The following EEFSEC variants were observed in gnomAD, a reference collection of about 807,000 sequenced individuals.
The protein encoded by EEFSEC is eukaryotic elongation factor, selenocysteine-tRNA specific.
Under a neutral mutation model 42.1 loss-of-function variants are expected in EEFSEC, and 43 were observed. The ratio of observed to expected loss-of-function variants is 1.02; its 90% CI spans 0.80 to 1.32. The LOEUF (loss-of-function observed/expected upper bound fraction) is 1.32. EEFSEC is among the 40% of genes most tolerant of loss of function. The pLI is 0.00. For missense variants in EEFSEC, 745 were observed against 803.6 expected (o/e 0.93, Z 0.88); for synonymous variants, 354 against 339.1 (o/e 1.04, Z -0.48).
At chr3:128,199,918 G>A (rs2065625735) in intron 1 of EEFSEC, among the ~76,000 whole-genome samples, 1 of 152,090 alleles carries the variant, frequency 6.6e-6, no homozygotes. Flanking sequence ...ATTTTTAGTA[G>A]AGACAGCGTT....
chr3:128,409,943 T>G (rs1276111951), downstream of EEFSEC, among the ~76,000 whole-genome samples: 1 of 152,214 alleles, frequency 6.6e-6, no homozygotes, highest in South Asian at 2.1e-4. Context: ...GGCAGCAGCT[T>G]TGAGCCCACA....
At chr3:128,190,915 C>T (rs2999057) in intron 1 of EEFSEC, among the ~76,000 whole-genome samples, 22,021 of 151,852 alleles carry the variant, frequency 0.15, 1,712 homozygotes, top group Admixed American at 0.2. Context: ...CACTGTGCCT[C>T]GCCTGGGGGT....
chr3:128,342,801 C>T (rs900377113), intron 5 of EEFSEC, among the ~76,000 whole-genome samples: 4 of 152,228 alleles, frequency 2.6e-5, no homozygotes, highest in Admixed American at 6.5e-5. Context: ...ACGGTGGTCT[C>T]CCCCAAAGTA....
rs535991690 is a variant in EEFSEC at position 128,382,977 on chromosome 3, T to C, written c.1600+24604T>C. Among the ~76,000 whole-genome samples the C allele has an allele frequency of 2.6e-3, 402 of 152,364 alleles. 1 individual carries two copies. The highest frequency in any genetic ancestry group is 5.0e-3 in the Non-Finnish European group (340 of 68,028). On this transcript the variant is annotated intron_variant, in intron 6 of 6. Coordinates refer to ENST00000254730, the MANE Select transcript of EEFSEC (RefSeq NM_021937.5). ...CTGCTGCCTCCCTGAGATGGCAGGCTGCCTTGGCTGGAGGCGCCCCCATTC... is the reference window on the plus strand; with the variant it reads ...CTGCTGCCTCCCTGAGATGGCAGGCCGCCTTGGCTGGAGGCGCCCCCATTC...
At chr3:128,401,795 A>G (rs1014436687) in intron 6 of EEFSEC, among the ~76,000 whole-genome samples, 1 of 152,110 alleles carries the variant, frequency 6.6e-6, no homozygotes, top group Non-Finnish European at 1.5e-5. Context: ...TCCTGCGCCC[A>G]CACCTCCCAG....
At chr3:128,186,794 A>T (rs959483380) in intron 1 of EEFSEC, among the ~76,000 whole-genome samples, 1 of 150,708 alleles carries the variant, frequency 6.6e-6, no homozygotes, top group African/African-American at 2.4e-5. Context: ...ATTCTGAACT[A>T]TTTTTTTTTT....
chr3:128,230,558 C>T (rs1053801229), intron 1 of EEFSEC, among the ~76,000 whole-genome samples: 1 of 152,132 alleles, frequency 6.6e-6, no homozygotes, highest in African/African-American at 2.4e-5. Flanking sequence ...AACTCAGGCT[C>T]AAGAGCACTC....
chr3:128,330,542 C>T (rs931955089), intron 4 of EEFSEC, among the ~76,000 whole-genome samples: 1 of 152,072 alleles, frequency 6.6e-6, no homozygotes, highest in African/African-American at 2.4e-5. Flanking sequence ...GTGAGCTGGT[C>T]GGGGGACCCC....
At chr3:128,157,655 A>T (rs974692846) in intron 1 of EEFSEC, among the ~76,000 whole-genome samples, 1 of 152,240 alleles carries the variant, frequency 6.6e-6, no homozygotes, top group Non-Finnish European at 1.5e-5. Flanking sequence ...TGTTTATAGC[A>T]TGGTTTACTG....
At chr3:128,350,962 T>C (rs2067377955) in intron 5 of EEFSEC, among the ~76,000 whole-genome samples, 1 of 152,210 alleles carries the variant, frequency 6.6e-6, no homozygotes, top group African/African-American at 2.4e-5. Context: ...CCAGAATTTG[T>C]CAATCCTGGT....
At chr3:128,182,829 G>A (rs1381613366) in intron 1 of EEFSEC, among the ~76,000 whole-genome samples, 5 of 138,450 alleles carry the variant, frequency 3.6e-5, no homozygotes, top group African/African-American at 1.0e-4. Context: ...GAGACCTGGC[G>A]ACCACTGTGG....
intron 1 of EEFSEC, among the ~76,000 whole-genome samples, chr3:128,239,193 G>T (rs2066044346): frequency 6.6e-6 from 1 of 152,246 alleles, no homozygotes; most frequent in Non-Finnish European, 1.5e-5. Context: ...GTCCACAGGA[G>T]TTGGGGGAGG....
At chr3:128,291,825 C>T (rs541577998) in intron 4 of EEFSEC, among the ~76,000 whole-genome samples, 1 of 152,298 alleles carries the variant, frequency 6.6e-6, no homozygotes, top group South Asian at 2.1e-4. Flanking sequence ...CAATGTTCAA[C>T]ATAAGTGGTG....
At chr3:128,282,473 G>A (rs531158736) in intron 4 of EEFSEC, among the ~76,000 whole-genome samples, 7 of 152,360 alleles carry the variant, frequency 4.6e-5, no homozygotes, top group African/African-American at 1.7e-4. Context: ...TTGTTTATCA[G>A]GTAGAATTGT....
intron 6 of EEFSEC, among the ~76,000 whole-genome samples, chr3:128,396,094 C>G (rs547627896): frequency 2.6e-5 from 4 of 152,310 alleles, no homozygotes; most frequent in African/African-American, 9.6e-5. Flanking sequence ...TCCAACCAAA[C>G]AGAACCTGCT....
intron 4 of EEFSEC, among the ~76,000 whole-genome samples, chr3:128,315,068 A>T (rs1231332727): frequency 6.6e-6 from 1 of 152,188 alleles, no homozygotes; most frequent in Admixed American, 6.5e-5. Context: ...CAAAGAGGCA[A>T]TAGAGTGTGG....
intron 2 of EEFSEC, among the ~76,000 whole-genome samples, chr3:128,256,767 A>G (rs972971767): frequency 2.4e-4 from 36 of 152,152 alleles, no homozygotes; most frequent in African/African-American, 8.4e-4. Flanking sequence ...GTCAGTATGT[A>G]TGTATGTATT....
chr3:128,190,083 G>A (rs372772038), intron 1 of EEFSEC, among the ~76,000 whole-genome samples: 2 of 152,014 alleles, frequency 1.3e-5, no homozygotes, highest in Admixed American at 6.5e-5. Context: ...GGCTGGTCTC[G>A]AACTCCTGAG....
intron 1 of EEFSEC, among the ~76,000 whole-genome samples, chr3:128,232,339 A>G (rs973063399): frequency 2.0e-5 from 3 of 152,168 alleles, no homozygotes; most frequent in East Asian, 1.9e-4. Context: ...AGGGGAAAAA[A>G]GTAGAATAGT....
Sources: allele counts gnomAD v4.1 joint callset (sites outside exome capture counted in the v4.1 genomes callset), GRCh38; gene constraint gnomAD v4.1.1; transcripts MANE v1.5; gene names NCBI Gene and HGNC (gene_info 2026-07-23, HGNC 2026-07-21).